MIGA1: variants seen among roughly 807,000 people sequenced by gnomAD.
MIGA1 encodes family with sequence similarity 73, member A.
MIGA1 carries 58 observed loss-of-function variants against 82.0 expected under a neutral mutation model. The observed-to-expected ratio is 0.71, with a 90% confidence interval of 0.57 to 0.88. The LOEUF is 0.88. Ranked by LOEUF, MIGA1 falls within the 40% of genes least tolerant of loss-of-function variation. MIGA1 has a pLI of 0.00. For missense variants in MIGA1, 751 were observed against 749.1 expected, an observed-to-expected ratio of 1.00 and a Z score of -0.03; for synonymous variants, 249 against 253.6, an observed-to-expected ratio of 0.98 and a Z score of 0.17.
chr1:77,859,105 T>C, intron 9 of MIGA1, 49 bp downstream of exon 9: 1 of 1,175,734 alleles, frequency 8.5e-7, no homozygotes, highest in Non-Finnish European at 1.3e-6. Context: ...AAGGTGTTTG[T>C]GTGGTACTTA....
intron 4 of MIGA1, 36 bp from the exon 5 acceptor site, chr1:77,806,939 G>C (rs1451716406): frequency 6.5e-7 from 1 of 1,533,620 alleles, no homozygotes; most frequent in Non-Finnish European, 8.9e-7. Context: ...TATCATGAGA[G>C]AGATTTGAAG....
At chr1:77,819,842 A>G (rs1425818346) in intron 7 of MIGA1, among the ~76,000 whole-genome samples, 1 of 152,170 alleles carries the variant, frequency 6.6e-6, no homozygotes, top group East Asian at 1.9e-4. Context: ...TCGGCCTTCC[A>G]TACTGCCTGG....
intron 12 of MIGA1, 99 bp downstream of exon 12, chr1:77,861,421 C>A: frequency 1.3e-6 from 1 of 787,524 alleles, no homozygotes; most frequent in Non-Finnish European, 2.1e-6. Flanking sequence ...TTAAATAAAG[C>A]CAATTGTATG....
chr1:77,817,949 T>C (rs1419764842), intron 7 of MIGA1, among the ~76,000 whole-genome samples: 2 of 146,300 alleles, frequency 1.4e-5, no homozygotes, highest in Non-Finnish European at 3.0e-5. Context: ...ATTTCAAGAT[T>C]GGAAGATTTT....
chr1:77,852,737 C>G (rs1020766791), intron 8 of MIGA1, among the ~76,000 whole-genome samples: 2 of 152,160 alleles, frequency 1.3e-5, no homozygotes, highest in African/African-American at 4.8e-5. Flanking sequence ...GTCTCCCAAG[C>G]TGGAGTGCAG....
intron 8 of MIGA1, among the ~76,000 whole-genome samples, chr1:77,855,519 A>T (rs1685215625): frequency 6.6e-6 from 1 of 152,100 alleles, no homozygotes; most frequent in African/African-American, 2.4e-5. Context: ...CTACCCATCC[A>T]TGAGCATGGG....
At chr1:77,806,852 G>T (rs1683119680) in intron 4 of MIGA1, 123 bp from the exon 5 acceptor site, 291 of 549,658 alleles carry the variant, frequency 5.3e-4, no homozygotes, top group Middle Eastern at 9.3e-4. Context: ...ATTTCTTCAT[G>T]TGGAAATTAC....
intron 12 of MIGA1, among the ~76,000 whole-genome samples, chr1:77,862,414 T>A (rs1407507710): frequency 6.7e-6 from 1 of 150,070 alleles, no homozygotes; most frequent in South Asian, 2.1e-4. Flanking sequence ...GCCACTGTAC[T>A]CCAGCCTGGG....
At chr1:77,816,056 A>G (rs1977900) in intron 7 of MIGA1, among the ~76,000 whole-genome samples, 107,635 of 152,098 alleles carry the variant, frequency 0.71, 38,580 homozygotes, top group East Asian at 0.76. Context: ...CAATTCTCTT[A>G]CCTCAGCTTC....
At chr1:77,806,860 T>C (rs1683119991) in intron 4 of MIGA1, 115 bp from the exon 5 acceptor site, 2 of 701,926 alleles carry the variant, frequency 2.8e-6, no homozygotes, top group Non-Finnish European at 4.6e-6. Flanking sequence ...ATGTGGAAAT[T>C]ACATGGATTG....
chr1:77,804,161 A>G (rs1253474858), intron 4 of MIGA1, among the ~76,000 whole-genome samples: 1 of 152,188 alleles, frequency 6.6e-6, no homozygotes, highest in Non-Finnish European at 1.5e-5. Context: ...GGTCACAGTA[A>G]TCACTTGATG....
rs987307342 is a variant in MIGA1, at chr1:77,784,474, C to T, written c.195+1123C>T. ...CTCCTGGCCTCAAATCATCCTCTCA[C>T]TTTGACCTCCTAAAGTACTGGGATT... On this transcript the variant is annotated intron_variant, in intron 2 of 15. Coordinates refer to ENST00000370791, the MANE Select transcript of MIGA1 (RefSeq NM_198549.4). Among the ~76,000 whole-genome samples the T allele has an allele frequency of 4.6e-5, 7 of 152,174 alleles. No individual in the cohort carries two copies. In the South Asian group the frequency reaches 1.4e-3, roughly 31 times the overall value.
intron 14 of MIGA1, among the ~76,000 whole-genome samples, chr1:77,871,790 G>C (rs558443542): frequency 6.6e-6 from 1 of 152,264 alleles, no homozygotes; most frequent in African/African-American, 2.4e-5. Flanking sequence ...TAGGATTCTA[G>C]TAAGAGTAAT....
At chr1:77,836,535 C>T (rs548896805) in intron 7 of MIGA1, among the ~76,000 whole-genome samples, 10 of 152,258 alleles carry the variant, frequency 6.6e-5, no homozygotes, top group East Asian at 5.8e-4. Context: ...ATAAAGAATG[C>T]GTTTGGTAAT....
chr1:77,811,698 C>T lies in MIGA1; in HGVS notation c.638-2036C>T, dbSNP rs191535390. 63 of 1,611,994 alleles carry T rather than the reference C, an allele frequency of 3.9e-5. No homozygotes were observed. The East Asian group carries it at 1.4e-3, about 35-fold the overall frequency. On this transcript the variant is annotated intron_variant, in intron 5 of 15. Transcript: ENST00000370791. ...TCTGATACTCGTCTATCGCCTCCAC[C>T]AGCTGGCCCCAAGAGTCGAAGTCGG... is the stretch of plus-strand genomic sequence containing the variant.
In MIGA1 at chr1:77,815,324, A is replaced by C. The variant is rs1683531082; in HGVS notation, c.895+93A>C. The stretch of plus-strand genomic sequence containing the variant: ...GCATAAGTGTCTGTCTTATGTAATA[A>C]TAGGTTACTTAAAAAAAAATAAACT... On this transcript the variant is annotated intron_variant, in intron 7 of 15. Coordinates refer to ENST00000370791, the MANE Select transcript of MIGA1 (RefSeq NM_198549.4). 11 of 985,484 alleles carry C rather than the reference A, an allele frequency of 1.1e-5. No homozygotes were observed. The South Asian group carries it at 4.0e-4, about 36-fold the overall frequency. The allele number at this position is 985,484 out of a possible 1,614,324, so 61.0% of individuals were successfully genotyped here. A position where few individuals can be genotyped will look rare whatever the true frequency, so the allele number is the denominator to read the frequency against.
intron 8 of MIGA1, chr1:77,847,443 A>T: frequency 7.0e-7 from 1 of 1,435,794 alleles, no homozygotes; most frequent in South Asian, 1.1e-5. Context: ...AGCAGTTGAG[A>T]TCAGAAAAAA....
In MIGA1 at chr1:77,864,030, T is replaced by C. The variant is rs764184947; in HGVS notation, c.1509+2T>C. 10 of 1,604,026 alleles carry C rather than the reference T, an allele frequency of 6.2e-6. No homozygotes were observed. The highest frequency in any genetic ancestry group is 7.6e-6 in the Non-Finnish European group (9 of 1,177,808). On this transcript the variant is annotated splice_donor_variant, in intron 13 of 15. Coordinates refer to ENST00000370791, the MANE Select transcript of MIGA1 (RefSeq NM_198549.4). LOFTEE classifies it high-confidence loss of function. Reference sequence around the variant, plus strand: ...CTAAACTCATCCTTCAAAGAAACAGTAAGTGGTGGTTAACCTTTCTCAGCC... The same window carrying C: ...CTAAACTCATCCTTCAAAGAAACAGCAAGTGGTGGTTAACCTTTCTCAGCC...
chr1:77,874,745 G>A (rs190487198), intron 15 of MIGA1, 101 bp from the exon 16 acceptor site: 2 of 766,916 alleles, frequency 2.6e-6, no homozygotes, highest in Admixed American at 5.0e-5. Context: ...CTGGAAGTCA[G>A]GTCTTCTGAG....
Sources: allele counts gnomAD v4.1 joint callset (sites outside exome capture counted in the v4.1 genomes callset), GRCh38; gene constraint gnomAD v4.1.1; transcripts MANE v1.5; gene names NCBI Gene and HGNC (gene_info 2026-07-23, HGNC 2026-07-21).